SLC9C1: variants seen among roughly 807,000 people sequenced by gnomAD.
SLC9C1 encodes solute carrier family 9 member C1.
In SLC9C1, 97 loss-of-function variants were observed where a neutral mutation model predicts 140.9. The observed-to-expected ratio is 0.69, with a 90% CI of 0.58 to 0.82. The LOEUF is 0.82. Among genes scored for constraint, SLC9C1 ranks in the 40% least tolerant of loss-of-function variants. SLC9C1 has a pLI of 0.00. For missense variants in SLC9C1, 1,340 were observed against 1,389.3 expected (o/e 0.96, Z 0.56); for synonymous variants, 440 against 442.6 (o/e 0.99, Z 0.07).
Position 112,231,422 on chromosome 3 carries a change from T to C in SLC9C1, c.1511A>G (p.Asp504Gly). Residue 504 changes from aspartate (D) to glycine (G), a missense_variant, in exon 13 of 29, where the codon GAT becomes GGT. Coordinates refer to ENST00000305815, the MANE Select transcript of SLC9C1 (RefSeq NM_183061.3). Reference protein sequence around the residue: ...VKCPHCNKEIDEIFNTEAMEL... With the variant: ...VKCPHCNKEIGEIFNTEAMEL... The stretch of plus-strand genomic sequence containing the variant: ...CATTGCTTCAGTGTTAAAGATCTCA[T>C]CTATTTCCTTGTTACAGTGTGGACA... The C allele has an allele frequency of 6.2e-7, 1 of 1,613,408 alleles. No homozygotes were observed. Among genetic ancestry groups the C allele is most frequent in the Non-Finnish European group, 8.5e-7 (1 of 1,179,678 alleles).
Position 112,161,777 on chromosome 3 carries a change from C to T in SLC9C1, c.3364+5444G>A, listed in dbSNP as rs1471364496. Among the ~76,000 whole-genome samples the T allele has an allele frequency of 1.3e-4, 19 of 151,726 alleles. No homozygotes were observed. In the East Asian group the frequency reaches 3.7e-3, roughly 29 times the overall value. The stretch of plus-strand genomic sequence containing the variant: ...GGGCTCTTTTTTGGTTCCATATGAA[C>T]TTTAAAGTAGTTTTTCCAATTCTGT... On this transcript the variant is annotated intron_variant, in intron 26 of 28. Coordinates refer to ENST00000305815, the MANE Select transcript of SLC9C1 (RefSeq NM_183061.3).
intron 20 of SLC9C1, chr3:112,186,079 T>C: frequency 9.6e-7 from 1 of 1,043,606 alleles, no homozygotes; most frequent in Non-Finnish European, 1.3e-6. Flanking sequence ...TTTTGCCCAT[T>C]AAAAAATGAA....
At chr3:112,191,513 A>G (rs1337935242) in intron 20 of SLC9C1, among the ~76,000 whole-genome samples, 1 of 152,128 alleles carries the variant, frequency 6.6e-6, no homozygotes, top group East Asian at 1.9e-4. Context: ...GTGTATGTCA[A>G]ACAGTCCTTG....
rs758465218 is a variant in SLC9C1, at chr3:112,280,733, A to G, written c.139T>C (p.Leu47=). The G allele has an allele frequency of 1.9e-6, 3 of 1,612,334 alleles. No homozygotes were observed. The highest frequency in any genetic ancestry group is 2.5e-6 in the Non-Finnish European group (3 of 1,179,568). ...EDFPIPVPVI[L]FLLGCSFEVL... is the part of the protein sequence containing the mutation. ...TCAAAACTGCATCCAAGTAAAAATA[A>G]TATCACAGGGACAGGAATTGGAAAG... The change falls in exon 3 of 29, where the codon TTA becomes CTA. Residue 47 remains leucine, a synonymous_variant. Transcript: ENST00000305815.
chr3:112,287,559 G>A (rs1001943067), intron 1 of SLC9C1, among the ~76,000 whole-genome samples: 6 of 152,152 alleles, frequency 3.9e-5, no homozygotes, highest in African/African-American at 1.4e-4. Flanking sequence ...GGAACAAGAG[G>A]GGCCTTGATA....
chr3:112,190,676 CT>C (rs1215996819), intron 20 of SLC9C1, among the ~76,000 whole-genome samples: 1 of 151,960 alleles, frequency 6.6e-6, no homozygotes, highest in Non-Finnish European at 1.5e-5. Flanking sequence ...TGTCAAATAT[CT>C]TTTCAAACAT....
chr3:112,232,172 A>G (rs1350394229), intron 12 of SLC9C1, among the ~76,000 whole-genome samples: 2 of 152,186 alleles, frequency 1.3e-5, no homozygotes, highest in Non-Finnish European at 2.9e-5. Flanking sequence ...TCATGTTTGC[A>G]TCACAAAAAG....
At chr3:112,251,166 A>G (rs2079445962) in intron 10 of SLC9C1, among the ~76,000 whole-genome samples, 1 of 152,136 alleles carries the variant, frequency 6.6e-6, no homozygotes, top group South Asian at 2.1e-4. Context: ...CAGTGTTTTC[A>G]GCTGAAACAT....
At chr3:112,214,868 C>T (rs1397186694) in intron 15 of SLC9C1, among the ~76,000 whole-genome samples, 2 of 151,888 alleles carry the variant, frequency 1.3e-5, no homozygotes, top group African/African-American at 4.8e-5. Flanking sequence ...ATGAGGCCAG[C>T]ATCATCCAGA....
chr3:112,248,489 GT>G (rs1559711845), intron 10 of SLC9C1, among the ~76,000 whole-genome samples: 2 of 152,054 alleles, frequency 1.3e-5, no homozygotes, highest in Non-Finnish European at 2.9e-5. Context: ...ACTATGACAT[GT>G]TTTTGATGCC....
At chr3:112,194,413 G>A (rs2077727933) in intron 20 of SLC9C1, among the ~76,000 whole-genome samples, 1 of 152,100 alleles carries the variant, frequency 6.6e-6, no homozygotes, top group African/African-American at 2.4e-5. Context: ...CTGTGCTTTA[G>A]TTTTCTCCCC....
At chr3:112,154,621 C>T (rs577172665) in intron 27 of SLC9C1, among the ~76,000 whole-genome samples, 40 of 152,212 alleles carry the variant, frequency 2.6e-4, no homozygotes, top group African/African-American at 9.6e-4. Flanking sequence ...CTTAAAGATC[C>T]CAAATGCATA....
At chr3:112,226,725 C>A (rs909888490) in intron 13 of SLC9C1, among the ~76,000 whole-genome samples, 7 of 5,004 alleles carry the variant, frequency 1.4e-3, no homozygotes, top group Non-Finnish European at 4.0e-3. Flanking sequence ...CCATCCCCCC[C>A]CATCCCCCCA....
At chr3:112,281,779 A>C (rs2080364466) in intron 2 of SLC9C1, among the ~76,000 whole-genome samples, 1 of 152,238 alleles carries the variant, frequency 6.6e-6, no homozygotes, top group South Asian at 2.1e-4. Context: ...CTAAAATTGA[A>C]GCAAGAACAA....
At chr3:112,168,205 C>T (rs1438906054) in intron 25 of SLC9C1, among the ~76,000 whole-genome samples, 1 of 151,832 alleles carries the variant, frequency 6.6e-6, no homozygotes, top group Non-Finnish European at 1.5e-5. Flanking sequence ...GCACTGTATT[C>T]CAGCATATTT....
intron 10 of SLC9C1, among the ~76,000 whole-genome samples, chr3:112,247,909 C>T (rs145205155): frequency 9.9e-4 from 138 of 139,418 alleles, no homozygotes; most frequent in African/African-American, 3.2e-3. Context: ...GTATCTCACA[C>T]GCTGAAATAT....
chr3:112,231,575 G>A (rs1164377608), intron 12 of SLC9C1, 89 bp from the exon 13 acceptor site: 2 of 1,320,372 alleles, frequency 1.5e-6, no homozygotes, highest in East Asian at 5.0e-5. Flanking sequence ...GTACCAGTTT[G>A]CATTGAAAAA....
chr3:112,284,542 C>G (rs909217024), intron 2 of SLC9C1, among the ~76,000 whole-genome samples: 1 of 152,194 alleles, frequency 6.6e-6, no homozygotes. Flanking sequence ...GGAATGTTAA[C>G]GCTGCTGCTG....
At chr3:112,208,699 A>G (rs1174806548) in intron 15 of SLC9C1, among the ~76,000 whole-genome samples, 2 of 152,198 alleles carry the variant, frequency 1.3e-5, no homozygotes, top group Non-Finnish European at 2.9e-5. Context: ...TTTTAAATAA[A>G]GAGAATACTT....
Sources: gnomAD v4.1 joint callset for allele counts (sites outside exome capture counted in the v4.1 genomes callset) on GRCh38, gnomAD v4.1.1 for gene constraint, MANE v1.5 for transcripts, NCBI Gene and HGNC (gene_info 2026-07-23, HGNC 2026-07-21) for gene names.